Variants in PRDX3 observed in about 807,000 individuals in gnomAD.
PRDX3 encodes the protein thioredoxin-dependent peroxide reductase, mitochondrial.
Under a neutral mutation model 30.4 loss-of-function variants are expected in PRDX3, and 20 were observed. The observed-to-expected ratio is 0.66, with a 90% confidence interval of 0.46 to 0.96. The LOEUF (loss-of-function observed/expected upper bound fraction) is 0.96. Ranked by LOEUF, PRDX3 falls within the 40% of genes least tolerant of loss-of-function variation. PRDX3 has a pLI of 0.00. For synonymous variants in PRDX3, 124 were observed against 117.8 expected (o/e 1.05, Z -0.34); for missense variants, 322 against 318.3 (o/e 1.01, Z -0.09).
intron 1 of PRDX3, among the ~76,000 whole-genome samples, chr10:119,178,396 G>GCC (rs1564840483): frequency 6.6e-6 from 1 of 152,210 alleles, no homozygotes; most frequent in East Asian, 1.9e-4. Context: ...ACGCCTTGAT[G>GCC]TAGGCATCAT....
intron 2 of PRDX3, among the ~76,000 whole-genome samples, chr10:119,174,944 GA>G (rs35542401): frequency 1 from 151,589 of 152,250 alleles, 75,470 homozygotes; most frequent in East Asian, 1. Flanking sequence ...GGAATGACAA[GA>G]AAAAAAGACT....
chr10:119,178,400 G>A (rs971967299), intron 1 of PRDX3, among the ~76,000 whole-genome samples: 6 of 152,316 alleles, frequency 3.9e-5, no homozygotes, highest in Admixed American at 6.5e-5. Context: ...CTTGATGTAG[G>A]CATCATTCTT....
At chr10:119,172,046 G>A (rs1014561023) in intron 5 of PRDX3, among the ~76,000 whole-genome samples, 2 of 152,208 alleles carry the variant, frequency 1.3e-5, no homozygotes, top group Non-Finnish European at 2.9e-5. Context: ...GCATGTCTCA[G>A]CATTTCTGAG....
At chr10:119,175,358 C>T (rs1848002090) in intron 2 of PRDX3, among the ~76,000 whole-genome samples, 1 of 152,168 alleles carries the variant, frequency 6.6e-6, no homozygotes, top group Non-Finnish European at 1.5e-5. Flanking sequence ...CATGTTGCAA[C>T]AGTCCTTAAA....
intron 1 of PRDX3, 136 bp downstream of exon 1, chr10:119,178,619 C>T (rs1848103666): frequency 8.9e-7 from 1 of 1,126,144 alleles, no homozygotes; most frequent in African/African-American, 1.5e-5. Context: ...AGGGAGGCCT[C>T]TGGGTCCGTT....
chr10:119,177,589 G>A (rs561908329), intron 1 of PRDX3, among the ~76,000 whole-genome samples: 56 of 150,494 alleles, frequency 3.7e-4, no homozygotes, highest in African/African-American at 1.3e-3. Context: ...AACCCGGGAG[G>A]CAGAGGTTGC....
At position 119,169,132 on chromosome 10, in the gene PRDX3, G is replaced by T. The variant is rs556282003; in HGVS notation, c.717+45C>A. On this transcript the variant is annotated intron_variant, in intron 6 of 6. Coordinates refer to ENST00000298510, the MANE Select transcript of PRDX3 (RefSeq NM_006793.5). ...ATATTTCAGGTCAATAGCTCTCGAG[G>T]CTGAGAGAACATGGACCTCACTGCT... 24 of 1,596,618 alleles carry T rather than the reference G, an allele frequency of 1.5e-5. No homozygotes were observed. In the South Asian group the frequency reaches 2.4e-4, roughly 16 times the overall value.
At position 119,177,132 on chromosome 10, in the gene PRDX3, T is replaced by C. The variant is rs1281641341; in HGVS notation, c.58A>G (p.Ile20Val). 3 of 1,613,460 alleles carry C rather than the reference T, an allele frequency of 1.9e-6. No individual in the cohort carries two copies. The highest frequency in any genetic ancestry group is 1.3e-5 in the African/African-American group (1 of 75,042). Residue 20 changes from isoleucine (I) to valine (V), a missense_variant, in exon 2 of 7, where the codon ATT (isoleucine) becomes GTT (valine). Ile to Val is a conservative substitution (Grantham distance 29, BLOSUM62 3). Transcript: ENST00000298510. ...GCAGTGGCAGAAATGCCCCAAGGAA[T>C]GGCACTCACATGTCGGGCAACCTGG... ...RASVARHVSA[I>V]PWGISATAAL... is the part of the protein sequence containing the mutation.
At chr10:119,169,043 C>T (rs1847837538) in intron 6 of PRDX3, 134 bp downstream of exon 6, 2 of 892,694 alleles carry the variant, frequency 2.2e-6, no homozygotes, top group Non-Finnish European at 3.5e-6. Flanking sequence ...CTCTACCCCA[C>T]AGCAGCTTCA....
In PRDX3 at chr10:119,169,295, A is replaced by C; in HGVS notation, c.599T>G (p.Val200Gly). The C allele has an allele frequency of 1.9e-6, 3 of 1,614,130 alleles. No individual in the cohort carries two copies. The South Asian group carries it at 3.3e-5, about 18-fold the overall frequency. ...DPNGVIKHLS[V>G]NDLPVGRSVE... ...GCTTCGGCCCACTGGGAGATCGTTGACGCTCAAATGCTTGATGACTCCATT... is the reference window on the plus strand; with the variant it reads ...GCTTCGGCCCACTGGGAGATCGTTGCCGCTCAAATGCTTGATGACTCCATT... Residue 200 changes from valine (V) to glycine (G), a missense_variant, in exon 6 of 7, where the codon GTC (valine) becomes GGC (glycine). Transcript: ENST00000298510.
intron 5 of PRDX3, chr10:119,169,949 A>G (rs1847866538): frequency 6.6e-6 from 1 of 152,360 alleles, no homozygotes; most frequent in Admixed American, 6.5e-5. Flanking sequence ...TGTTGGTGTT[A>G]CTGTGACAGA....
rs575577910 is a variant in PRDX3 at position 119,174,361 on chromosome 10, AG to A, written c.311+89del. The A allele has an allele frequency of 8.7e-5, 122 of 1,403,602 alleles. 2 individuals are homozygous for A. In the South Asian group the frequency reaches 1.6e-3, roughly 18 times the overall value. 86.9% of individuals were successfully genotyped at this position (1,403,602 alleles called of 1,614,324 possible). A position where few individuals can be genotyped will look rare whatever the true frequency, so the allele number is the denominator to read the frequency against. ...GTCAGAAAGAATCCTTCCTTTCACA[AG>A]GGTATCTAGGGATAGACAATTCAGT... On this transcript the variant is annotated intron_variant, in intron 3 of 6. Coordinates refer to ENST00000298510, the MANE Select transcript of PRDX3 (RefSeq NM_006793.5).
At chr10:119,169,037 ACC>A in intron 6 of PRDX3, 138 bp downstream of exon 6, 1 of 863,980 alleles carries the variant, frequency 1.2e-6, no homozygotes, top group Non-Finnish European at 1.8e-6. Flanking sequence ...CACCCCCTCT[ACC>A]CCACAGCAGC....
At position 119,169,164 on chromosome 10, in the gene PRDX3, G is replaced by GA. The variant is rs758760485; in HGVS notation, c.717+12dup. 5.6e-6 allele frequency: 9 copies of GA among 1,610,710 alleles called. No homozygotes were observed. Among genetic ancestry groups the GA allele is most frequent in the Non-Finnish European group, 7.6e-6 (9 of 1,178,886 alleles). Reference sequence around the variant, plus strand: ...GAACATGGACCTCACTGCTTTTGGGGAAAAAAACCTACCGTAGGAGAATCC... The same window carrying GA: ...GAACATGGACCTCACTGCTTTTGGGGAAAAAAAACCTACCGTAGGAGAATCC... On this transcript the variant is annotated intron_variant, in intron 6 of 6. Coordinates refer to ENST00000298510, the MANE Select transcript of PRDX3 (RefSeq NM_006793.5).
chr10:119,169,603 G>A, intron 5 of PRDX3: 1 of 335,818 alleles, frequency 3.0e-6, no homozygotes, highest in Admixed American at 4.3e-5. Flanking sequence ...ATAGTGCCCT[G>A]AATGTTACAC....
At chr10:119,176,082 C>A (rs1396667580) in intron 2 of PRDX3, among the ~76,000 whole-genome samples, 1 of 152,070 alleles carries the variant, frequency 6.6e-6, no homozygotes, top group Non-Finnish European at 1.5e-5. Flanking sequence ...CTGTGCCCAG[C>A]CTCGATTTCA....
At chr10:119,175,672 G>A (rs978586787) in intron 2 of PRDX3, among the ~76,000 whole-genome samples, 7 of 152,194 alleles carry the variant, frequency 4.6e-5, no homozygotes, top group African/African-American at 1.7e-4. Context: ...TGGGATTACA[G>A]GCGTGAGCCA....
chr10:119,168,813 T>TA lies in PRDX3; in HGVS notation c.718-281dup, dbSNP rs544827485. On this transcript the variant is annotated intron_variant, in intron 6 of 6. Coordinates refer to ENST00000298510, the MANE Select transcript of PRDX3 (RefSeq NM_006793.5). ...TAACACGGTGAAACCCCGTCTCTAC[T>TA]AAAATTCAAAAAATTAGCCGTGGTG... Among the ~76,000 whole-genome samples, 127 of 152,224 alleles carry TA rather than the reference T, an allele frequency of 8.3e-4. 3 individuals are homozygous for TA. The East Asian group carries it at 0.022, about 26-fold the overall frequency.
At chr10:119,178,482 G>A (rs1208869300) in intron 1 of PRDX3, among the ~76,000 whole-genome samples, 1 of 152,262 alleles carries the variant, frequency 6.6e-6, no homozygotes, top group Non-Finnish European at 1.5e-5. Context: ...GGCAGAATCA[G>A]GGCCAGGACC....
Sources: allele counts gnomAD v4.1 joint callset (sites outside exome capture counted in the v4.1 genomes callset), GRCh38; gene constraint gnomAD v4.1.1; transcripts MANE v1.5; gene names NCBI Gene and HGNC (gene_info 2026-07-23, HGNC 2026-07-21).